Variants in MRTFB observed in about 807,000 individuals in gnomAD.
MRTFB encodes myocardin related transcription factor B.
In MRTFB, 29 loss-of-function variants were observed where a neutral mutation model predicts 104.2. That is an observed-to-expected ratio of 0.28 (90% CI 0.21 to 0.38). The LOEUF is 0.38. Among genes scored for constraint, MRTFB ranks in the 10% least tolerant of loss-of-function variants. The pLI, the probability that MRTFB is intolerant of heterozygous loss-of-function variation, is 1.00. For missense variants in MRTFB, 1,270 were observed against 1,341.6 expected (o/e 0.95, Z 0.83); for synonymous variants, 535 against 519.5 (o/e 1.03, Z -0.41).
chr16:14,159,641 G>C (rs941288343), intron 3 of MRTFB, among the ~76,000 whole-genome samples: 8 of 152,118 alleles, frequency 5.3e-5, no homozygotes, highest in Admixed American at 2.0e-4. Context: ...CTTTATTTAA[G>C]AATCATGGCC....
the MRTFB span, among the ~76,000 whole-genome samples, chr16:14,006,986 CGGCCTG>C: frequency 6.6e-6 from 1 of 152,064 alleles, no homozygotes; most frequent in African/African-American, 2.4e-5. Context: ...CACTGCACTC[CGGCCTG>C]GGCAACAGAG....
intron 2 of MRTFB, among the ~76,000 whole-genome samples, chr16:14,118,734 T>C (rs747000613): frequency 2.4e-4 from 37 of 151,594 alleles, no homozygotes; most frequent in East Asian, 5.9e-4. Flanking sequence ...CATATATATA[T>C]ACACACATAT....
At chr16:14,099,766 C>T (rs899050514) in intron 2 of MRTFB, among the ~76,000 whole-genome samples, 1 of 151,706 alleles carries the variant, frequency 6.6e-6, no homozygotes, top group South Asian at 2.1e-4. Flanking sequence ...CTCCTTGGTT[C>T]CAGCAATTCT....
chr16:14,061,436 C>G, the MRTFB span, among the ~76,000 whole-genome samples: 1 of 152,144 alleles, frequency 6.6e-6, no homozygotes, highest in Admixed American at 6.5e-5. Flanking sequence ...CAGATAACTA[C>G]CAGGTTCTAT....
At chr16:14,140,428 G>T (rs1040014652) in intron 2 of MRTFB, 116 bp from the exon 3 acceptor site, 2 of 663,630 alleles carry the variant, frequency 3.0e-6, no homozygotes, top group Non-Finnish European at 2.5e-6. Flanking sequence ...AAATGGATTA[G>T]TATGACCATA....
intron 15 of MRTFB, among the ~76,000 whole-genome samples, chr16:14,253,215 A>G (rs2043325726): frequency 6.6e-6 from 1 of 152,134 alleles, no homozygotes; most frequent in Admixed American, 6.5e-5. Flanking sequence ...ATTACCCTAA[A>G]CACTCCTCCA....
At chr16:14,183,016 C>T (rs2039821010) in intron 3 of MRTFB, among the ~76,000 whole-genome samples, 4 of 151,996 alleles carry the variant, frequency 2.6e-5, no homozygotes, top group Admixed American at 2.6e-4. Context: ...AATAATTTAG[C>T]CAAACACACC....
chr16:14,001,190 T>G, the MRTFB span, among the ~76,000 whole-genome samples: 1 of 152,222 alleles, frequency 6.6e-6, no homozygotes, highest in Admixed American at 6.5e-5. Context: ...ACACTGATCC[T>G]CACTGGATTA....
the MRTFB span, among the ~76,000 whole-genome samples, chr16:14,039,206 C>A: frequency 6.6e-6 from 1 of 152,150 alleles, no homozygotes. Context: ...TAAGTGTTGG[C>A]TGTTGGGGGA....
intron 15 of MRTFB, among the ~76,000 whole-genome samples, chr16:14,257,738 T>C (rs562818680): frequency 1.3e-5 from 2 of 152,296 alleles, no homozygotes; most frequent in South Asian, 2.1e-4. Context: ...TAAATCTCAA[T>C]AGAACTGAAC....
chr16:13,999,484 G>T, the MRTFB span, among the ~76,000 whole-genome samples: 1 of 147,006 alleles, frequency 6.8e-6, no homozygotes, highest in Non-Finnish European at 1.5e-5. Context: ...AGAAGACATC[G>T]TCTAGAGCCT....
chr16:14,070,970 C>T (rs2033645214), upstream of MRTFB, among the ~76,000 whole-genome samples: 1 of 152,192 alleles, frequency 6.6e-6, no homozygotes. Flanking sequence ...GTTAAGTGCT[C>T]GGCGCGCAGC....
chr16:14,041,149 T>C, the MRTFB span, among the ~76,000 whole-genome samples: 4 of 107,198 alleles, frequency 3.7e-5, no homozygotes, highest in African/African-American at 1.4e-4. Context: ...AAGGAAGGAG[T>C]GGGGGGCGGG....
chr16:14,244,055 T>G (rs2042908014), intron 10 of MRTFB, among the ~76,000 whole-genome samples: 1 of 152,026 alleles, frequency 6.6e-6, no homozygotes, highest in Non-Finnish European at 1.5e-5. Context: ...TTTTTTGTAT[T>G]TTTAAGTAGA....
intron 3 of MRTFB, among the ~76,000 whole-genome samples, chr16:14,193,950 G>C (rs79630895): frequency 0.024 from 3,695 of 152,264 alleles, 66 homozygotes; most frequent in Middle Eastern, 0.085. Flanking sequence ...GTTTATCAGA[G>C]TATTAAATGC....
At chr16:14,130,019 C>T (rs528306699) in intron 2 of MRTFB, among the ~76,000 whole-genome samples, 27 of 152,112 alleles carry the variant, frequency 1.8e-4, no homozygotes, top group African/African-American at 5.1e-4. Context: ...TTAGTAGAGA[C>T]GGGATTTTGC....
chr16:14,257,089 CAA>C, intron 15 of MRTFB, among the ~76,000 whole-genome samples: 1 of 152,208 alleles, frequency 6.6e-6, no homozygotes, highest in Non-Finnish European at 1.5e-5. Context: ...ACTGACCCTA[CAA>C]AGTATTGGTG....
the MRTFB span, among the ~76,000 whole-genome samples, chr16:14,051,115 CAG>C: frequency 1.3e-5 from 2 of 151,964 alleles, no homozygotes; most frequent in Admixed American, 6.6e-5. Context: ...AACTCACAAA[CAG>C]AGGCACACAG....
chr16:14,019,525 T>C, the MRTFB span: 2 of 152,216 alleles, frequency 1.3e-5, no homozygotes, highest in African/African-American at 4.8e-5. Context: ...CAAGTTTTTT[T>C]TCATATACGA....
Sources: gnomAD v4.1 joint callset for allele counts (sites outside exome capture counted in the v4.1 genomes callset) on GRCh38, gnomAD v4.1.1 for gene constraint, MANE v1.5 for transcripts, NCBI Gene and HGNC (gene_info 2026-07-23, HGNC 2026-07-21) for gene names.